The following ABCA13 variants were observed in gnomAD, a reference collection of about 807,000 sequenced individuals.
ABCA13 encodes the protein ATP-binding cassette sub-family A member 13.
In ABCA13, 476 loss-of-function variants were observed where a neutral mutation model predicts 478.7. The ratio of observed to expected loss-of-function variants is 0.99; its 90% CI spans 0.92 to 1.07. The LOEUF is 1.07. Ranked by LOEUF, ABCA13 falls within the 50% of genes least tolerant of loss-of-function variation. The pLI is 0.00. For missense variants in ABCA13, 6,060 were observed against 5,910.6 expected (o/e 1.03, Z -0.83); for synonymous variants, 2,252 against 2,158.9 (o/e 1.04, Z -1.20).
rs572193596 is a variant in ABCA13 at position 48,274,450 on chromosome 7, A to T, written c.4784A>T (p.Asn1595Ile). Residue 1595 changes from asparagine (N) to isoleucine (I), a missense_variant, in exon 17 of 62, where the codon AAT becomes ATT. Coordinates refer to ENST00000435803, the MANE Select transcript of ABCA13 (RefSeq NM_152701.5). ...GAAAAGGATGTAAACAGTGTAGGCA[A>T]TTCCATTTATCACTTAGCTAGTTAC... ...PKEKDVNSVG[N>I]SIYHLASYLA... 2 of 1,613,838 alleles carry T rather than the reference A, an allele frequency of 1.2e-6. No homozygotes were observed. The highest frequency in any genetic ancestry group is 2.7e-5 in the African/African-American group (2 of 75,024).
At position 48,481,146 on chromosome 7, in the gene ABCA13, A is replaced by G. The variant is rs1828715843; in HGVS notation, c.13086A>G (p.Glu4362=). ...NMEEYLLAPS[E]KPRLGGWSFG... ...AGGAGTACTTGCTGGCACCATCTGA[A>G]AAACCAAGGTGTGTTCAATACTCTT... The change falls in exon 46 of 62, where the codon GAA becomes GAG. Residue 4362 remains glutamate (E), a synonymous_variant. Coordinates refer to ENST00000435803, the MANE Select transcript of ABCA13 (RefSeq NM_152701.5). The G allele has an allele frequency of 1.3e-6, 2 of 1,579,936 alleles. No individual in the cohort carries two copies. The highest frequency in any genetic ancestry group is 4.6e-5 in the East Asian group (2 of 43,544).
At chr7:48,510,071 GGCATAAAGCCAT>G (rs1364262119) in intron 50 of ABCA13, among the ~76,000 whole-genome samples, 12 of 152,158 alleles carry the variant, frequency 7.9e-5, no homozygotes, top group African/African-American at 2.9e-4. Flanking sequence ...AATGGTGTTG[GGCATAAAGCCAT>G]GCATAAAGCA....
intron 21 of ABCA13, among the ~76,000 whole-genome samples, chr7:48,296,085 G>T (rs1799324803): frequency 6.6e-6 from 1 of 152,172 alleles, no homozygotes; most frequent in Admixed American, 6.5e-5. Flanking sequence ...TGGCGATAAA[G>T]ATATTAGATA....
At chr7:48,516,918 A>G in intron 52 of ABCA13, 37 bp downstream of exon 52, 1 of 1,596,232 alleles carries the variant, frequency 6.3e-7, no homozygotes. Flanking sequence ...ACACTTCTGC[A>G]CCTCTAGTGC....
At chr7:48,385,550 C>T (rs1416121753) in intron 35 of ABCA13, among the ~76,000 whole-genome samples, 1 of 152,102 alleles carries the variant, frequency 6.6e-6, no homozygotes, top group African/African-American at 2.4e-5. Flanking sequence ...TTTCTTTATC[C>T]AGTCTATTGT....
intron 59 of ABCA13, among the ~76,000 whole-genome samples, chr7:48,624,158 G>A (rs913914255): frequency 4.6e-5 from 7 of 151,526 alleles, no homozygotes; most frequent in Admixed American, 1.3e-4. Context: ...ATAGCCACAG[G>A]TGGCTAAAAC....
intron 55 of ABCA13, among the ~76,000 whole-genome samples, chr7:48,549,726 A>G (rs1037902575): frequency 2.0e-5 from 3 of 151,844 alleles, no homozygotes; most frequent in South Asian, 2.1e-4. Flanking sequence ...ACCAGCATGT[A>G]TTGTTTCCTG....
At chr7:48,570,962 A>G (rs1787587280) in intron 55 of ABCA13, among the ~76,000 whole-genome samples, 1 of 151,852 alleles carries the variant, frequency 6.6e-6, no homozygotes, top group African/African-American at 2.4e-5. Context: ...TTTTTGCTAT[A>G]TATATTTTTG....
rs767336108 is a variant in ABCA13, at chr7:48,313,165, G to GT, written c.9616dup (p.Tyr3206LeufsTer4). 5.0e-6 allele frequency: 8 copies of GT among 1,612,972 alleles called. No homozygotes were observed. The highest frequency in any genetic ancestry group is 6.8e-6 in the Non-Finnish European group (8 of 1,179,408). On this transcript the variant is annotated frameshift_variant, in exon 25 of 62. Coordinates refer to ENST00000435803, the MANE Select transcript of ABCA13 (RefSeq NM_152701.5). LOFTEE classifies it high-confidence loss of function. ...TTGCCAAAGCCCAGCACGTCTTTGAGTATCTTCCTGAGTTTCTTCACACAT... is the reference window on the plus strand; with the variant it reads ...TTGCCAAAGCCCAGCACGTCTTTGAGTTATCTTCCTGAGTTTCTTCACACAT...
chr7:48,230,162 A>G (rs578099042), intron 7 of ABCA13, among the ~76,000 whole-genome samples: 6 of 152,376 alleles, frequency 3.9e-5, no homozygotes, highest in African/African-American at 1.4e-4. Flanking sequence ...ACCACTGTTG[A>G]CATTCTGCAG....
At chr7:48,397,478 A>AGG in intron 38 of ABCA13, among the ~76,000 whole-genome samples, 1 of 147,814 alleles carries the variant, frequency 6.8e-6, no homozygotes, top group African/African-American at 2.5e-5. Flanking sequence ...TAAAATTGTA[A>AGG]AAAAAAAAAA....
intron 41 of ABCA13, among the ~76,000 whole-genome samples, chr7:48,425,600 C>G (rs1821288478): frequency 6.6e-6 from 1 of 152,158 alleles, no homozygotes. Context: ...CACATACACC[C>G]TACTACACTT....
At chr7:48,364,889 C>T (rs962628358) in intron 31 of ABCA13, among the ~76,000 whole-genome samples, 3 of 152,020 alleles carry the variant, frequency 2.0e-5, no homozygotes, top group Non-Finnish European at 2.9e-5. Context: ...CATATCTCTT[C>T]GATATACTGA....
At chr7:48,265,777 T>C (rs1794792124) in intron 15 of ABCA13, among the ~76,000 whole-genome samples, 1 of 151,678 alleles carries the variant, frequency 6.6e-6, no homozygotes, top group African/African-American at 2.4e-5. Context: ...TTACACTGGC[T>C]ATAACTTCTA....
rs560313507 is a variant in ABCA13, at chr7:48,607,051, C to T, written c.14745-8234C>T. Reference sequence around the variant, plus strand: ...AGCCTCAGCAAGGACGGATGCCCCTCTCCCAACCAAGCTTGAGCATCCCAG... The same window carrying T: ...AGCCTCAGCAAGGACGGATGCCCCTTTCCCAACCAAGCTTGAGCATCCCAG... On this transcript the variant is annotated intron_variant, in intron 58 of 61. Transcript: ENST00000435803. Among the ~76,000 whole-genome samples the T allele has an allele frequency of 1.2e-4, 19 of 152,322 alleles. 1 individual carries two copies. Among genetic ancestry groups the T allele is most frequent in the Admixed American group, 1.1e-3 (17 of 15,302 alleles).
chr7:48,227,384 T>C lies in ABCA13; in HGVS notation c.591T>C (p.Asp197=). The C allele has an allele frequency of 6.2e-7, 1 of 1,613,918 alleles. No homozygotes were observed. Among genetic ancestry groups the C allele is most frequent in the African/African-American group, 1.3e-5 (1 of 75,042 alleles). The change falls in exon 6 of 62, where the codon GAT becomes GAC. Residue 197 remains aspartate, a synonymous_variant. Coordinates refer to ENST00000435803, the MANE Select transcript of ABCA13 (RefSeq NM_152701.5). ...RLHTSHDHVE[D]GMDVAVNLLQ... ...ACACAAGCCATGATCATGTGGAAGA[T>C]GGCATGGATGTTGCAGTGAACCTTC...
intron 15 of ABCA13, among the ~76,000 whole-genome samples, chr7:48,252,793 C>G (rs1241063852): frequency 1.3e-5 from 2 of 152,076 alleles, no homozygotes; most frequent in Non-Finnish European, 2.9e-5. Context: ...AGTCAGAGGC[C>G]TGCATTTCTT....
At chr7:48,567,156 A>G (rs1396324366) in intron 55 of ABCA13, among the ~76,000 whole-genome samples, 1 of 152,218 alleles carries the variant, frequency 6.6e-6, no homozygotes, top group African/African-American at 2.4e-5. Context: ...GTTTAAAAAT[A>G]TAATCTAAGT....
rs1798212383 is a variant in ABCA13, at chr7:48,198,279, C to T, written c.206C>T (p.Pro69Leu). The T allele has an allele frequency of 2.5e-6, 4 of 1,613,570 alleles. No homozygotes were observed. The highest frequency in any genetic ancestry group is 1.3e-5 in the African/African-American group (1 of 75,000). The change falls in exon 3 of 62, where the codon CCC becomes CTC. Residue 69 changes from proline (P) to leucine (L), a missense_variant. By Grantham distance (98) the Pro-to-Leu change is moderately conservative. Transcript: ENST00000435803. ...GATCTACCCAGCTGTGGTGTTATCC[C>T]CTTTGTTCAAAGCCTTCTTTGTAAC... ...PRDLPSCGVIPFVQSLLCNTG... is the reference protein window; with the variant it reads ...PRDLPSCGVILFVQSLLCNTG...
Sources: allele counts gnomAD v4.1 joint callset (sites outside exome capture counted in the v4.1 genomes callset), GRCh38; gene constraint gnomAD v4.1.1; transcripts MANE v1.5; gene names NCBI Gene and HGNC (gene_info 2026-07-23, HGNC 2026-07-21).